AHCYL2: variants seen among roughly 807,000 people sequenced by gnomAD.
The protein encoded by AHCYL2 is S-adenosylhomocysteine hydrolase-like protein 2.
A neutral mutation model predicts 81.4 loss-of-function variants in AHCYL2; 28 were observed. The observed-to-expected ratio is 0.34, with a 90% CI of 0.25 to 0.47. The LOEUF (loss-of-function observed/expected upper bound fraction) is 0.47. AHCYL2 is among the 20% of genes least tolerant of loss of function. The pLI is 1.00. For missense variants in AHCYL2, 551 were observed against 785.1 expected, an observed-to-expected ratio of 0.70 and a Z score of 3.56; for synonymous variants, 272 against 290.2, an observed-to-expected ratio of 0.94 and a Z score of 0.64.
intron 1 of AHCYL2, among the ~76,000 whole-genome samples, chr7:129,228,858 A>G (rs1794317782): frequency 1.3e-5 from 2 of 152,202 alleles, no homozygotes; most frequent in Admixed American, 1.3e-4. Flanking sequence ...GAATGAGTTG[A>G]GCCATGTTAG....
intron 1 of AHCYL2, among the ~76,000 whole-genome samples, chr7:129,316,116 T>C (rs1442391638): frequency 6.6e-6 from 1 of 152,098 alleles, no homozygotes; most frequent in African/African-American, 2.4e-5. Flanking sequence ...AAAGAAGAAT[T>C]GTGCCACGGC....
intron 1 of AHCYL2, among the ~76,000 whole-genome samples, chr7:129,305,795 C>G (rs1797420011): frequency 6.6e-6 from 1 of 152,168 alleles, no homozygotes; most frequent in South Asian, 2.1e-4. Flanking sequence ...TTGATGAAAT[C>G]CTTTAGCTTT....
chr7:129,241,756 C>G (rs760198008), intron 1 of AHCYL2, among the ~76,000 whole-genome samples: 33 of 152,180 alleles, frequency 2.2e-4, no homozygotes, highest in Non-Finnish European at 4.3e-4. Context: ...GCCACAGTGG[C>G]TCACGTCTGT....
intron 1 of AHCYL2, among the ~76,000 whole-genome samples, chr7:129,250,162 G>T (rs926961844): frequency 6.6e-6 from 1 of 152,108 alleles, no homozygotes; most frequent in South Asian, 2.1e-4. Flanking sequence ...AGCTGGGCAT[G>T]GTGGTGTGCA....
chr7:129,293,743 A>G (rs900139270), intron 1 of AHCYL2, among the ~76,000 whole-genome samples: 7 of 152,222 alleles, frequency 4.6e-5, no homozygotes, highest in Non-Finnish European at 8.8e-5. Flanking sequence ...AAGTTCTTAT[A>G]GGTCAGGGAT....
intron 1 of AHCYL2, among the ~76,000 whole-genome samples, chr7:129,362,605 T>TTG (rs1382381403): frequency 6.9e-6 from 1 of 143,934 alleles, no homozygotes; most frequent in Non-Finnish European, 1.5e-5. Flanking sequence ...TTGTTTTTTT[T>TTG]TTTTTTTTTT....
rs116467168 is a variant in AHCYL2, at chr7:129,399,478, C to A, written c.824-812C>A. The stretch of plus-strand genomic sequence containing the variant: ...AAAAAAGAAAAGAAAAGTTAAGATT[C>A]CTTGAGAGCTCATTTCCAGCTGGGT... On this transcript the variant is annotated intron_variant, in intron 5 of 16. Coordinates refer to ENST00000325006, the MANE Select transcript of AHCYL2 (RefSeq NM_015328.4). Among the ~76,000 whole-genome samples the A allele has an allele frequency of 8.1e-3, 1,223 of 151,844 alleles. 15 individuals carry two copies. The highest frequency in any genetic ancestry group is 0.028 in the African/African-American group (1,142 of 41,430).
Position 129,427,140 on chromosome 7 carries a change from A to G in AHCYL2, c.*95A>G, listed in dbSNP as rs1797400094. ...AAGAATTCAGCAAGCTGCTTCTCCA[A>G]TCAAAGCTGCCTGCCGTGCTCACCC... On this transcript the variant is annotated 3_prime_UTR_variant, in exon 17 of 17. Coordinates refer to ENST00000325006, the MANE Select transcript of AHCYL2 (RefSeq NM_015328.4). This position sits in a 1 kb window ranked among gnomAD's most constrained non-coding sequence, Gnocchi z 5.5. 3.0e-6 allele frequency: 4 copies of G among 1,312,516 alleles called. No individual in the cohort carries two copies. Among genetic ancestry groups the G allele is most frequent in the Admixed American group, 3.6e-5 (2 of 55,316 alleles). 81.3% of individuals were successfully genotyped at this position (1,312,516 alleles called of 1,614,324 possible). A position where few individuals can be genotyped will look rare whatever the true frequency, so the allele number is the denominator to read the frequency against.
At position 129,406,064 on chromosome 7, in the gene AHCYL2, G is replaced by A. The variant is rs573896282; in HGVS notation, c.1206+165G>A. ...AAGTAGACTTTCTTTTTCCCTTTGCGTTGCCGCCATTTTCCCTTAAGTTGA... is the reference window on the plus strand; with the variant it reads ...AAGTAGACTTTCTTTTTCCCTTTGCATTGCCGCCATTTTCCCTTAAGTTGA... On this transcript the variant is annotated intron_variant, in intron 9 of 16. Coordinates refer to ENST00000325006, the MANE Select transcript of AHCYL2 (RefSeq NM_015328.4). This position sits in a 1 kb window ranked among gnomAD's most constrained non-coding sequence, Gnocchi z 4.3. Among the ~76,000 whole-genome samples the A allele has an allele frequency of 6.6e-6, 1 of 152,216 alleles. No homozygotes were observed. The highest frequency in any genetic ancestry group is 1.9e-4 in the East Asian group (1 of 5,184).
At chr7:129,393,663 T>C (rs1795574867) in intron 4 of AHCYL2, among the ~76,000 whole-genome samples, 1 of 152,226 alleles carries the variant, frequency 6.6e-6, no homozygotes, top group Non-Finnish European at 1.5e-5. Context: ...TTTTGTCTTT[T>C]GATATATCCC....
At chr7:129,257,159 A>G (rs1795458284) in intron 1 of AHCYL2, among the ~76,000 whole-genome samples, 1 of 152,204 alleles carries the variant, frequency 6.6e-6, no homozygotes. Flanking sequence ...AACATGAACT[A>G]TAGAACCCTC....
In AHCYL2 at chr7:129,356,163, A is replaced by G. The variant is rs73232769; in HGVS notation, c.364-23475A>G. 4.4e-3 allele frequency among the ~76,000 whole-genome samples: 664 copies of G among 152,298 alleles called. 4 individuals are homozygous for G. Among genetic ancestry groups the G allele is most frequent in the Middle Eastern group, 0.01 (3 of 294 alleles). ...AATTTGTTCCTTCTTTTTCATTAAT[A>G]TAGTGATAATCTGGAAATCCAGACT... On this transcript the variant is annotated intron_variant, in intron 1 of 16. Transcript: ENST00000325006.
chr7:129,336,066 C>T (rs1354209042), intron 1 of AHCYL2, among the ~76,000 whole-genome samples: 2 of 103,766 alleles, frequency 1.9e-5, no homozygotes, highest in Non-Finnish European at 1.7e-5. Flanking sequence ...CTTCTCTTTT[C>T]TTTCCTTTTT....
intron 1 of AHCYL2, among the ~76,000 whole-genome samples, chr7:129,239,995 G>A (rs1033378918): frequency 6.6e-6 from 1 of 151,936 alleles, no homozygotes; most frequent in Non-Finnish European, 1.5e-5. Context: ...AGGCTGAGGC[G>A]GGTGGATCAC....
chr7:129,290,330 GTC>G (rs894013863), intron 1 of AHCYL2, among the ~76,000 whole-genome samples: 14 of 151,396 alleles, frequency 9.2e-5, no homozygotes, highest in Non-Finnish European at 1.8e-4. Context: ...GTGAAACCCT[GTC>G]TCTACTAAAA....
chr7:129,368,302 G>A lies in AHCYL2; in HGVS notation c.364-11336G>A, dbSNP rs1794201843. On this transcript the variant is annotated intron_variant, in intron 1 of 16. Coordinates refer to ENST00000325006, the MANE Select transcript of AHCYL2 (RefSeq NM_015328.4). The surrounding 1 kb of genome is among the most constrained non-coding windows in gnomAD (Gnocchi z 4.4). ...AGGCTTTGAAGCCGGCCAGTAAGGG[G>A]TTGTCAGGCAGTTGACTAATGCTCT... is the stretch of plus-strand genomic sequence containing the variant. 7.0e-7 allele frequency: 1 copy of A among 1,432,232 alleles called. No homozygotes were observed. The allele number at this position is 1,432,232 out of a possible 1,614,324, so 88.7% of individuals were successfully genotyped here.
intron 1 of AHCYL2, among the ~76,000 whole-genome samples, chr7:129,240,318 A>C (rs1252656273): frequency 6.6e-6 from 1 of 151,698 alleles, no homozygotes; most frequent in African/African-American, 2.4e-5. Context: ...ACCCACCCAC[A>C]CACAAAAACA....
At chr7:129,381,871 C>T (rs527591911) in intron 2 of AHCYL2, among the ~76,000 whole-genome samples, 5 of 152,338 alleles carry the variant, frequency 3.3e-5, no homozygotes, top group East Asian at 1.9e-4. Context: ...GTTCTGTAAA[C>T]TCAGTGCTTT....
intron 1 of AHCYL2, among the ~76,000 whole-genome samples, chr7:129,320,350 C>A (rs1723348577): frequency 6.6e-6 from 1 of 152,124 alleles, no homozygotes; most frequent in Admixed American, 6.6e-5. Context: ...ATAGAGTCTT[C>A]TTCTGTCACC....
Sources: gnomAD v4.1 joint callset for allele counts (sites outside exome capture counted in the v4.1 genomes callset) on GRCh38, gnomAD v4.1.1 for gene constraint, Gnocchi (gnomAD v3.1) non-coding constraint, MANE v1.5 for transcripts, NCBI Gene and HGNC (gene_info 2026-07-23, HGNC 2026-07-21) for gene names.